CCSER1: variants seen among roughly 807,000 people sequenced by gnomAD.
The protein encoded by CCSER1 is serine-rich coiled-coil domain-containing protein 1.
Under a neutral mutation model 82.0 loss-of-function variants are expected in CCSER1, and 41 were observed. The observed-to-expected ratio is 0.50, with a 90% CI of 0.39 to 0.65. The LOEUF (loss-of-function observed/expected upper bound fraction) is 0.65, where lower values mean the gene tolerates loss of function less well. CCSER1 is among the 30% of genes least tolerant of loss of function. CCSER1 has a pLI of 0.00. For synonymous variants in CCSER1, 414 were observed against 383.9 expected, an observed-to-expected ratio of 1.08 and a Z score of -0.92; for missense variants, 1,119 against 1,064.2, an observed-to-expected ratio of 1.05 and a Z score of -0.72.
At chr4:91,342,253 A>T (rs1747769184) in intron 10 of CCSER1, among the ~76,000 whole-genome samples, 1 of 152,236 alleles carries the variant, frequency 6.6e-6, no homozygotes, top group Non-Finnish European at 1.5e-5. Flanking sequence ...AGTGTCCCAC[A>T]GTTAAATGAG....
intron 10 of CCSER1, chr4:91,319,099 T>A: frequency 3.4e-6 from 1 of 291,868 alleles, no homozygotes. Context: ...AGATGGTAAT[T>A]AAGACAGACG....
chr4:90,365,270 A>C (rs1746084748), intron 3 of CCSER1, among the ~76,000 whole-genome samples: 1 of 151,858 alleles, frequency 6.6e-6, no homozygotes, highest in Non-Finnish European at 1.5e-5. Flanking sequence ...GAGCAACATA[A>C]ATTTTATATT....
chr4:90,430,939 TA>T (rs1455333429), intron 4 of CCSER1, among the ~76,000 whole-genome samples: 1 of 152,006 alleles, frequency 6.6e-6, no homozygotes, highest in East Asian at 1.9e-4. Flanking sequence ...GTAACATTTT[TA>T]AAATGAAGAA....
intron 10 of CCSER1, among the ~76,000 whole-genome samples, chr4:91,163,408 T>C (rs1731658097): frequency 1.3e-5 from 2 of 151,956 alleles, no homozygotes; most frequent in African/African-American, 4.8e-5. Flanking sequence ...GTATATTCTG[T>C]TGATTTGGGG....
At chr4:91,104,795 A>C in intron 10 of CCSER1, among the ~76,000 whole-genome samples, 1 of 152,136 alleles carries the variant, frequency 6.6e-6, no homozygotes, top group South Asian at 2.1e-4. Context: ...GTGTTCTCAC[A>C]TGCTCTTTAC....
chr4:91,282,333 T>G (rs555856960), intron 10 of CCSER1, among the ~76,000 whole-genome samples: 10 of 152,288 alleles, frequency 6.6e-5, no homozygotes, highest in Admixed American at 1.3e-4. Context: ...AGACTCAAAG[T>G]AGTAAACATT....
intron 10 of CCSER1, among the ~76,000 whole-genome samples, chr4:91,114,894 A>G (rs1726412082): frequency 6.6e-6 from 1 of 152,210 alleles, no homozygotes; most frequent in Non-Finnish European, 1.5e-5. Flanking sequence ...AATTTTCTCC[A>G]CAGATTTTAA....
chr4:90,965,608 G>T (rs1265128686), intron 9 of CCSER1, among the ~76,000 whole-genome samples: 3 of 152,124 alleles, frequency 2.0e-5, no homozygotes, highest in Non-Finnish European at 4.4e-5. Context: ...GTGAACTACA[G>T]ATGACAAGAA....
intron 4 of CCSER1, among the ~76,000 whole-genome samples, chr4:90,430,688 T>C (rs1341473366): frequency 1.1e-4 from 17 of 151,800 alleles, no homozygotes. Flanking sequence ...TTTTTTCTAA[T>C]AGGAAAATAT....
intron 8 of CCSER1, among the ~76,000 whole-genome samples, chr4:90,894,954 G>T (rs1260108056): frequency 6.6e-6 from 1 of 151,908 alleles, no homozygotes; most frequent in Non-Finnish European, 1.5e-5. Context: ...GATTAATCAA[G>T]ATAAATTTTA....
At chr4:90,503,681 C>CGATTT (rs1477238182) in intron 5 of CCSER1, among the ~76,000 whole-genome samples, 3 of 151,936 alleles carry the variant, frequency 2.0e-5, no homozygotes, top group Non-Finnish European at 4.4e-5. Context: ...TTTCTCCTTG[C>CGATTT]GATAGTTTGC....
At chr4:90,328,093 T>G (rs756508371) in intron 3 of CCSER1, among the ~76,000 whole-genome samples, 24 of 152,180 alleles carry the variant, frequency 1.6e-4, no homozygotes, top group Non-Finnish European at 1.3e-4. Flanking sequence ...TCTAAAAACT[T>G]AAGATAGAGG....
intron 10 of CCSER1, among the ~76,000 whole-genome samples, chr4:91,291,251 T>C (rs556383853): frequency 5.3e-4 from 80 of 152,092 alleles, no homozygotes; most frequent in African/African-American, 1.8e-3. Context: ...AAGAAATGTA[T>C]TAGTAAATAT....
chr4:91,343,443 C>T (rs1264635853), intron 10 of CCSER1, among the ~76,000 whole-genome samples: 6 of 152,098 alleles, frequency 3.9e-5, no homozygotes, highest in Admixed American at 3.9e-4. Flanking sequence ...TGAAAATAAA[C>T]ACACTAGACA....
intron 5 of CCSER1, among the ~76,000 whole-genome samples, chr4:90,525,422 T>C (rs905423888): frequency 2.0e-5 from 3 of 152,180 alleles, no homozygotes; most frequent in African/African-American, 7.2e-5. Flanking sequence ...ATGAGAAGAA[T>C]TGATTTTAAC....
At chr4:90,305,373 A>T (rs1349865757) in intron 1 of CCSER1, among the ~76,000 whole-genome samples, 3 of 152,204 alleles carry the variant, frequency 2.0e-5, no homozygotes, top group Non-Finnish European at 4.4e-5. Flanking sequence ...GCAAATCATT[A>T]TGGTTGATTA....
intron 1 of CCSER1, among the ~76,000 whole-genome samples, chr4:90,208,137 G>T (rs755910626): frequency 6.6e-6 from 1 of 152,184 alleles, no homozygotes; most frequent in African/African-American, 2.4e-5. Context: ...CAGGGAAATA[G>T]GAGTTTTATC....
chr4:91,511,657 C>T (rs1467468846), intron 10 of CCSER1, among the ~76,000 whole-genome samples: 2 of 151,956 alleles, frequency 1.3e-5, no homozygotes, highest in Non-Finnish European at 2.9e-5. Context: ...GAACATGAAC[C>T]CTGTTGTGAA....
At chr4:90,870,403 A>G (rs936828910) in intron 8 of CCSER1, among the ~76,000 whole-genome samples, 2 of 151,864 alleles carry the variant, frequency 1.3e-5, no homozygotes, top group Admixed American at 6.6e-5. Flanking sequence ...TTAATCATGA[A>G]ATAATATTGA....
Sources: gnomAD v4.1 joint callset for allele counts (sites outside exome capture counted in the v4.1 genomes callset) on GRCh38, gnomAD v4.1.1 for gene constraint, MANE v1.5 for transcripts, NCBI Gene and HGNC (gene_info 2026-07-23, HGNC 2026-07-21) for gene names.